Variants in TEAD1 observed in about 807,000 individuals in gnomAD.
TEAD1 encodes transcriptional enhancer factor TEF-1.
TEAD1 carries 9 observed loss-of-function variants against 54.9 expected under a neutral mutation model. The ratio of observed to expected loss-of-function variants is 0.16; its 90% CI spans 0.10 to 0.29. The LOEUF (loss-of-function observed/expected upper bound fraction) is 0.29, where lower values mean the gene tolerates loss of function less well. Among genes scored for constraint, TEAD1 ranks in the 10% least tolerant of loss-of-function variants. TEAD1 has a pLI of 1.00. For synonymous variants in TEAD1, 200 were observed against 187.8 expected (o/e 1.07, Z -0.53); for missense variants, 387 against 535.9 (o/e 0.72, Z 2.74).
chr11:12,768,199 A>G (rs373419234), intron 3 of TEAD1, among the ~76,000 whole-genome samples: 2 of 152,202 alleles, frequency 1.3e-5, no homozygotes, highest in Admixed American at 6.5e-5. Context: ...CTGGCCCTGC[A>G]CTTCTAGATA....
At chr11:12,731,458 T>TA (rs935500020) in intron 2 of TEAD1, among the ~76,000 whole-genome samples, 41 of 152,166 alleles carry the variant, frequency 2.7e-4, no homozygotes, top group Non-Finnish European at 5.3e-4. Flanking sequence ...TATGTTTTTT[T>TA]AAAAAACTAA....
At chr11:12,828,598 G>A (rs1004389818) in intron 3 of TEAD1, among the ~76,000 whole-genome samples, 5 of 151,560 alleles carry the variant, frequency 3.3e-5, no homozygotes, top group Non-Finnish European at 7.4e-5. Context: ...TAAAGATACA[G>A]CTTTTGTTTT....
intron 3 of TEAD1, among the ~76,000 whole-genome samples, chr11:12,776,758 T>TTAG (rs1945427544): frequency 6.8e-5 from 1 of 14,606 alleles, no homozygotes; most frequent in Non-Finnish European, 1.9e-4. Flanking sequence ...ATTTGGATAT[T>TTAG]TATTATTATT....
chr11:12,695,538 C>A (rs964145266), intron 2 of TEAD1, among the ~76,000 whole-genome samples: 2 of 152,210 alleles, frequency 1.3e-5, no homozygotes, highest in South Asian at 2.1e-4. Flanking sequence ...TGTTCGGGGC[C>A]AGGGATTGAT....
intron 3 of TEAD1, among the ~76,000 whole-genome samples, chr11:12,861,237 C>A (rs576444276): frequency 5.3e-5 from 8 of 152,340 alleles, no homozygotes; most frequent in African/African-American, 1.7e-4. Flanking sequence ...CTCTGCTTAG[C>A]TTCTGGGGAT....
rs1396657220 is a variant in TEAD1, at chr11:12,942,684, T to G, written c.*5462T>G. On this transcript the variant is annotated 3_prime_UTR_variant, in exon 13 of 13. Transcript: ENST00000527636. Reference sequence around the variant, plus strand: ...TTACACAATGATACCATTTTGAAAGTTGGAAGCCTCAAACTGAGACGACAG... The same window carrying G: ...TTACACAATGATACCATTTTGAAAGGTGGAAGCCTCAAACTGAGACGACAG... The G allele has an allele frequency of 1.3e-5, 2 of 152,196 alleles. No individual in the cohort carries two copies. Among genetic ancestry groups the G allele is most frequent in the Non-Finnish European group, 2.9e-5 (2 of 68,038 alleles). 9.4% of individuals were successfully genotyped at this position (152,196 alleles called of 1,614,324 possible).
chr11:12,919,851 C>T (rs1252094874), intron 10 of TEAD1, among the ~76,000 whole-genome samples: 17 of 152,068 alleles, frequency 1.1e-4, no homozygotes. Context: ...ATATATAGAA[C>T]ATCTATATGC....
chr11:12,853,893 A>C (rs144963614), intron 3 of TEAD1, among the ~76,000 whole-genome samples: 1 of 152,330 alleles, frequency 6.6e-6, no homozygotes, highest in African/African-American at 2.4e-5. Flanking sequence ...AGTTCTGAGT[A>C]ACCAGGAGTT....
chr11:12,787,982 G>A (rs1945714702), intron 3 of TEAD1, among the ~76,000 whole-genome samples: 2 of 134,422 alleles, frequency 1.5e-5, no homozygotes, highest in African/African-American at 5.7e-5. Flanking sequence ...TTTTTTTTGA[G>A]ATGGAGTTTT....
intron 3 of TEAD1, among the ~76,000 whole-genome samples, chr11:12,786,077 G>A (rs2133954940): frequency 6.6e-6 from 1 of 152,282 alleles, no homozygotes; most frequent in Non-Finnish European, 1.5e-5. Flanking sequence ...CCTGACAGGT[G>A]TGTGACGGAG....
chr11:12,757,872 C>A (rs1007413485), intron 2 of TEAD1, among the ~76,000 whole-genome samples: 2 of 151,636 alleles, frequency 1.3e-5, no homozygotes, highest in East Asian at 3.9e-4. Flanking sequence ...CTCTGCCTCC[C>A]AAATTCAAGT....
intron 2 of TEAD1, among the ~76,000 whole-genome samples, chr11:12,700,847 T>G (rs749424524): frequency 9.2e-5 from 14 of 152,230 alleles, no homozygotes; most frequent in Admixed American, 2.6e-4. Context: ...AGTAGTTCAG[T>G]CGACTGCTTC....
At chr11:12,836,595 G>C (rs952570581) in intron 3 of TEAD1, among the ~76,000 whole-genome samples, 7 of 152,056 alleles carry the variant, frequency 4.6e-5, no homozygotes, top group African/African-American at 1.7e-4. Context: ...TTTGGAACCT[G>C]GTAAACTTTA....
intron 5 of TEAD1, among the ~76,000 whole-genome samples, chr11:12,873,592 T>C (rs1947797927): frequency 6.6e-6 from 1 of 152,226 alleles, no homozygotes; most frequent in Admixed American, 6.5e-5. Flanking sequence ...AGGCAGCGAG[T>C]CAGGAGAAGC....
chr11:12,734,103 G>A (rs1020869306), intron 2 of TEAD1, among the ~76,000 whole-genome samples: 3 of 152,128 alleles, frequency 2.0e-5, no homozygotes, highest in African/African-American at 4.8e-5. Context: ...TTTTGTGGAG[G>A]TAGGATCTTG....
intron 2 of TEAD1, among the ~76,000 whole-genome samples, chr11:12,759,046 AT>A (rs879313277): frequency 2.9e-4 from 42 of 147,222 alleles, no homozygotes; most frequent in Non-Finnish European, 2.4e-4. Flanking sequence ...AGCCATAATG[AT>A]TTTTTTTTTT....
chr11:12,801,057 C>A (rs975942742), intron 3 of TEAD1, among the ~76,000 whole-genome samples: 2 of 152,164 alleles, frequency 1.3e-5, no homozygotes, highest in African/African-American at 2.4e-5. Context: ...AGTGAGATGT[C>A]CCTGGGCAAT....
intron 2 of TEAD1, among the ~76,000 whole-genome samples, chr11:12,756,240 A>G (rs116090155): frequency 0.012 from 1,820 of 152,318 alleles, 36 homozygotes; most frequent in African/African-American, 0.041. Flanking sequence ...TGCTGAAATT[A>G]GAGGGAACCT....
At chr11:12,770,598 A>G (rs1328228607) in intron 3 of TEAD1, among the ~76,000 whole-genome samples, 2 of 152,222 alleles carry the variant, frequency 1.3e-5, no homozygotes, top group Admixed American at 6.5e-5. Flanking sequence ...ACCCAATAAT[A>G]TAGGTACTGT....
Sources: gnomAD v4.1 joint callset for allele counts (sites outside exome capture counted in the v4.1 genomes callset) on GRCh38, gnomAD v4.1.1 for gene constraint, MANE v1.5 for transcripts, NCBI Gene and HGNC (gene_info 2026-07-23, HGNC 2026-07-21) for gene names.